Variants in SENP7 observed in about 807,000 individuals in gnomAD.
SENP7 encodes the protein sentrin-specific protease 7.
In SENP7, 64 loss-of-function variants were observed where a neutral mutation model predicts 141.2. That is an observed-to-expected ratio of 0.45 (90% confidence interval 0.37 to 0.56). The LOEUF is 0.56. Ranked by LOEUF, SENP7 falls within the 20% of genes least tolerant of loss-of-function variation. The pLI is 0.00. For synonymous variants in SENP7, 382 were observed against 426.4 expected (o/e 0.90, Z 1.28); for missense variants, 1,025 against 1,212.2 (o/e 0.85, Z 2.29).
rs1183524473 is a variant in SENP7, at chr3:101,330,384, T to C, written c.2701A>G (p.Asn901Asp). 2 of 1,601,942 alleles carry C rather than the reference T, an allele frequency of 1.2e-6. No individual in the cohort carries two copies. The highest frequency in any genetic ancestry group is 1.7e-5 in the Admixed American group (1 of 59,676). ...QSQNDNKTIDNDLRTTSTLSL... is the reference protein window; with the variant it reads ...QSQNDNKTIDDDLRTTSTLSL... ...AGTGTCGAAGTAGTACGTAGATCAT[T>C]ATCTAGTTAGAAATAATTAAGCAGT... The change falls in exon 20 of 24, where the codon AAT becomes GAT. Residue 901 changes from asparagine to aspartate, a missense_variant and splice_region_variant. Around this residue, in one of 4 missense-constraint regions of SENP7, gnomAD observed 295 missense variants for 459.1 expected, o/e 0.64. Transcript: ENST00000394095.
chr3:101,403,504 G>A (rs890384263), intron 5 of SENP7, among the ~76,000 whole-genome samples: 1 of 152,162 alleles, frequency 6.6e-6, no homozygotes, highest in Non-Finnish European at 1.5e-5. Flanking sequence ...TGTTATCTTT[G>A]GGGGTTTTTT....
intron 5 of SENP7, among the ~76,000 whole-genome samples, chr3:101,408,938 C>A (rs931419852): frequency 6.6e-6 from 1 of 152,076 alleles, no homozygotes; most frequent in African/African-American, 2.4e-5. Context: ...CCAGAGCAAT[C>A]ACACAAGAGA....
chr3:101,487,364 G>A (rs1414086252), intron 3 of SENP7, among the ~76,000 whole-genome samples: 1 of 152,070 alleles, frequency 6.6e-6, no homozygotes, highest in African/African-American at 2.4e-5. Flanking sequence ...ACAGAATCTG[G>A]ATATTAGACC....
intron 20 of SENP7, among the ~76,000 whole-genome samples, chr3:101,329,203 T>C (rs912455054): frequency 2.0e-5 from 3 of 152,240 alleles, no homozygotes; most frequent in Non-Finnish European, 4.4e-5. Flanking sequence ...TCAGTGCCTT[T>C]ATTATTCTAA....
At chr3:101,357,013 T>C (rs954400226) in intron 11 of SENP7, among the ~76,000 whole-genome samples, 5 of 152,194 alleles carry the variant, frequency 3.3e-5, no homozygotes, top group African/African-American at 1.2e-4. Context: ...CATTCTTTTT[T>C]TTTTTGAGAC....
rs376385327 is a variant in SENP7, at chr3:101,328,738, A to G, written c.2752-49T>C. The G allele has an allele frequency of 1.3e-4, 183 of 1,395,272 alleles. No individual in the cohort carries two copies. The Middle Eastern group carries it at 2.5e-3, about 19-fold the overall frequency. 86.4% of individuals were successfully genotyped at this position (1,395,272 alleles called of 1,614,324 possible). On this transcript the variant is annotated intron_variant, in intron 20 of 23. Transcript: ENST00000394095. ...ACTGCAATTAAAGCTATTTTGAATA[A>G]TTTACTATTCAGTTACTCCTTTAAA...
At chr3:101,368,950 C>A (rs988063656) in intron 7 of SENP7, among the ~76,000 whole-genome samples, 1 of 152,114 alleles carries the variant, frequency 6.6e-6, no homozygotes, top group Non-Finnish European at 1.5e-5. Flanking sequence ...AATATGTGAT[C>A]ATTCACAAGG....
At chr3:101,415,952 A>C (rs1231759597) in intron 5 of SENP7, among the ~76,000 whole-genome samples, 1 of 150,176 alleles carries the variant, frequency 6.7e-6, no homozygotes, top group Admixed American at 6.7e-5. Context: ...CCAAAAAAAT[A>C]TATATATGTA....
In SENP7 at chr3:101,372,055, C is replaced by T; in HGVS notation, c.749G>A (p.Arg250Lys). ...TAAAAGAGAAATGCCATCATCCTTT[C>T]TTCGTTTTTCTTTATTGTGCGCAGT... ...KQTAHNKEKR[R>K]KDDGISLLIS... Residue 250 changes from arginine (R) to lysine (K), a missense_variant, in exon 7 of 24, where the codon AGA (arginine) becomes AAA (lysine). Arg to Lys is a conservative substitution (Grantham distance 26, BLOSUM62 2). Transcript: ENST00000394095. 3 of 1,567,138 alleles carry T rather than the reference C, an allele frequency of 1.9e-6. No homozygotes were observed. The South Asian group carries it at 3.6e-5, about 19-fold the overall frequency.
chr3:101,377,342 G>A lies in SENP7; in HGVS notation c.678-5216C>T, dbSNP rs372343251. ...GACAGCCAGGTGAATACAGAGAATC[G>A]CAACTTACTAAAGCAAAAACCCACA... On this transcript the variant is annotated intron_variant, in intron 6 of 23. Coordinates refer to ENST00000394095, the MANE Select transcript of SENP7 (RefSeq NM_020654.5). Among the ~76,000 whole-genome samples, 26 of 152,130 alleles carry A rather than the reference G, an allele frequency of 1.7e-4. No individual in the cohort carries two copies. The East Asian group carries it at 4.4e-3, about 26-fold the overall frequency.
intron 11 of SENP7, among the ~76,000 whole-genome samples, chr3:101,354,888 ATGT>A (rs2059699248): frequency 6.6e-6 from 1 of 151,902 alleles, no homozygotes; most frequent in Non-Finnish European, 1.5e-5. Context: ...CCTCGTCAGC[ATGT>A]TGTTGACCTT....
chr3:101,505,761 C>A (rs1245437246), intron 1 of SENP7, among the ~76,000 whole-genome samples: 2 of 151,998 alleles, frequency 1.3e-5, no homozygotes, highest in Admixed American at 6.6e-5. Flanking sequence ...TGTAAAATGG[C>A]GGAGAATATC....
At chr3:101,410,720 C>G (rs972385582) in intron 5 of SENP7, among the ~76,000 whole-genome samples, 1 of 152,048 alleles carries the variant, frequency 6.6e-6, no homozygotes, top group Non-Finnish European at 1.5e-5. Flanking sequence ...TGGCACACAC[C>G]TGCGATCCCA....
intron 20 of SENP7, 100 bp downstream of exon 20, chr3:101,330,234 G>C: frequency 2.6e-6 from 2 of 780,048 alleles, no homozygotes. Context: ...ACAATCTAAT[G>C]ATGGGCCAGC....
chr3:101,385,103 A>T (rs1227334655), intron 6 of SENP7, among the ~76,000 whole-genome samples: 1 of 152,226 alleles, frequency 6.6e-6, no homozygotes, highest in Non-Finnish European at 1.5e-5. Context: ...TAACAGATTC[A>T]AACTGAAAGG....
chr3:101,481,408 A>G (rs1303568483), intron 3 of SENP7, among the ~76,000 whole-genome samples: 1 of 152,202 alleles, frequency 6.6e-6, no homozygotes, highest in Non-Finnish European at 1.5e-5. Flanking sequence ...TATTCCATGT[A>G]TTCACTCATA....
At chr3:101,414,597 G>A in intron 5 of SENP7, 1 of 1,603,890 alleles carries the variant, frequency 6.2e-7, no homozygotes, top group East Asian at 2.2e-5. Flanking sequence ...CTATGACCAA[G>A]AAGATGAAGG....
At chr3:101,455,657 T>G (rs901649403) in intron 4 of SENP7, among the ~76,000 whole-genome samples, 57 of 152,242 alleles carry the variant, frequency 3.7e-4, no homozygotes, top group African/African-American at 1.3e-3. Context: ...AAAACCAAAC[T>G]GGTTCTCTTC....
intron 2 of SENP7, among the ~76,000 whole-genome samples, chr3:101,497,497 G>A (rs2065204984): frequency 6.6e-6 from 1 of 151,770 alleles, no homozygotes; most frequent in Admixed American, 6.6e-5. Context: ...AAAATATACA[G>A]TGTCAGAAAG....
Sources: gnomAD v4.1 joint callset for allele counts (sites outside exome capture counted in the v4.1 genomes callset) on GRCh38, gnomAD v4.1.1 for gene constraint, gnomAD v4.1.1 regional missense constraint, MANE v1.5 for transcripts, NCBI Gene and HGNC (gene_info 2026-07-23, HGNC 2026-07-21) for gene names.